The following VSNL1 variants were observed in gnomAD, a reference collection of about 807,000 sequenced individuals.
VSNL1 encodes visinin-like protein 1.
VSNL1 carries 6 observed loss-of-function variants against 20.4 expected under a neutral mutation model. The ratio of observed to expected loss-of-function variants is 0.29; its 90% CI spans 0.16 to 0.58. VSNL1 has a LOEUF of 0.58. Among genes scored for constraint, VSNL1 ranks in the 20% least tolerant of loss-of-function variants. The probability of loss-of-function intolerance (pLI) is 0.90; values close to 1 mark genes in which losing one functional copy is unlikely to be tolerated. For missense variants in VSNL1, 100 were observed against 234.5 expected (o/e 0.43, Z 3.75); for synonymous variants, 93 against 86.4 (o/e 1.08, Z -0.42).
intron 2 of VSNL1, among the ~76,000 whole-genome samples, chr2:17,602,044 T>C (rs1228092480): frequency 2.0e-5 from 3 of 152,226 alleles, no homozygotes; most frequent in African/African-American, 2.4e-5. Flanking sequence ...CTGTTTTACG[T>C]TAGTGGACTC....
chr2:17,548,292 T>C lies in VSNL1; in HGVS notation c.-6+7374T>C, dbSNP rs967299674. 3.3e-5 allele frequency among the ~76,000 whole-genome samples: 5 copies of C among 151,958 alleles called. No individual in the cohort carries two copies. The South Asian group carries it at 8.3e-4, about 25-fold the overall frequency. On this transcript the variant is annotated intron_variant, in intron 1 of 3. Coordinates refer to ENST00000295156, the MANE Select transcript of VSNL1 (RefSeq NM_003385.5). ...AGCATTTTCAATTTCCTTCAGGTTT[T>C]CCCCCCTTCTTCCTCTATTTCCTGC...
intron 1 of VSNL1, among the ~76,000 whole-genome samples, chr2:17,582,205 C>G (rs1036573553): frequency 6.6e-6 from 1 of 151,854 alleles, no homozygotes; most frequent in African/African-American, 2.4e-5. Context: ...AGAGAGGAAA[C>G]TAAAGAGGTG....
intron 2 of VSNL1, among the ~76,000 whole-genome samples, chr2:17,648,841 G>A (rs1380491548): frequency 1.3e-5 from 2 of 152,158 alleles, no homozygotes; most frequent in African/African-American, 4.8e-5. Flanking sequence ...TATTTTTAAT[G>A]AGTTTTAAAT....
intron 1 of VSNL1, among the ~76,000 whole-genome samples, chr2:17,547,975 T>A (rs1353352029): frequency 1.3e-5 from 2 of 152,076 alleles, no homozygotes; most frequent in Non-Finnish European, 2.9e-5. Flanking sequence ...CTGTGATACT[T>A]CTATCTTTTA....
At chr2:17,628,233 T>C (rs1665554501) in intron 2 of VSNL1, among the ~76,000 whole-genome samples, 1 of 152,260 alleles carries the variant, frequency 6.6e-6, no homozygotes, top group African/African-American at 2.4e-5. Context: ...TGGCTCTTTC[T>C]GGATTCACCT....
In VSNL1 at chr2:17,634,874, G is replaced by A. The variant is rs538074125; in HGVS notation, c.163-14536G>A. Among the ~76,000 whole-genome samples, 32 of 152,232 alleles carry A rather than the reference G, an allele frequency of 2.1e-4. No homozygotes were observed. Among genetic ancestry groups the A allele is most frequent in the African/African-American group, 7.7e-4 (32 of 41,546 alleles). On this transcript the variant is annotated intron_variant, in intron 2 of 3. Coordinates refer to ENST00000295156, the MANE Select transcript of VSNL1 (RefSeq NM_003385.5). The surrounding 1 kb of genome is among the most constrained non-coding windows in gnomAD (Gnocchi z 4.3). ...CTTGTCCCATGGGTCCCGCTGCAGG[G>A]AGTTACTGCTCCTGCTTGGTTCTGA...
At chr2:17,579,998 G>C (rs890486388) in intron 1 of VSNL1, among the ~76,000 whole-genome samples, 7 of 152,188 alleles carry the variant, frequency 4.6e-5, no homozygotes, top group African/African-American at 1.7e-4. Context: ...CTGGGAGTCA[G>C]AGTCCCTGAC....
intron 3 of VSNL1, among the ~76,000 whole-genome samples, chr2:17,651,175 A>C (rs1666113947): frequency 6.6e-6 from 1 of 152,128 alleles, no homozygotes; most frequent in Non-Finnish European, 1.5e-5. Flanking sequence ...TTCCTCTCCA[A>C]AACTTTTCTC....
chr2:17,617,418 C>A (rs1167716846), intron 2 of VSNL1, among the ~76,000 whole-genome samples: 2 of 152,012 alleles, frequency 1.3e-5, no homozygotes, highest in Non-Finnish European at 2.9e-5. Context: ...ATCCCTTGAA[C>A]CTGGGAAGCA....
chr2:17,616,155 C>T (rs1338039902), intron 2 of VSNL1, among the ~76,000 whole-genome samples: 4 of 152,242 alleles, frequency 2.6e-5, no homozygotes, highest in Non-Finnish European at 2.9e-5. Flanking sequence ...GGGTGGCTCA[C>T]AGTCCCCAGA....
chr2:17,605,464 A>T (rs562829900), intron 2 of VSNL1, among the ~76,000 whole-genome samples: 2 of 152,352 alleles, frequency 1.3e-5, no homozygotes, highest in East Asian at 3.9e-4. Context: ...GAATCCTCCC[A>T]GCGACTCGGC....
At chr2:17,545,338 T>A (rs1374864643) in intron 1 of VSNL1, among the ~76,000 whole-genome samples, 1 of 152,156 alleles carries the variant, frequency 6.6e-6, no homozygotes, top group Admixed American at 6.5e-5. Flanking sequence ...ATGATTTATT[T>A]TTTGTAAAGA....
intron 1 of VSNL1, among the ~76,000 whole-genome samples, chr2:17,590,081 G>A (rs575063508): frequency 1.8e-4 from 28 of 152,302 alleles, no homozygotes; most frequent in Admixed American, 5.2e-4. Flanking sequence ...TACCATAAGC[G>A]TTCTGAGCCC....
intron 2 of VSNL1, among the ~76,000 whole-genome samples, chr2:17,607,634 G>A (rs1664976916): frequency 6.6e-6 from 1 of 152,186 alleles, no homozygotes; most frequent in South Asian, 2.1e-4. Flanking sequence ...TATAGCACAG[G>A]TCCCTTGACA....
chr2:17,628,182 G>A lies in VSNL1; in HGVS notation c.163-21228G>A, dbSNP rs576754690. ...GGAGATTGTAGCCAGCAGGAGCAAA[G>A]GCATAATAGAGTGTGAGTTATTGAG... On this transcript the variant is annotated intron_variant, in intron 2 of 3. Transcript: ENST00000295156. Among the ~76,000 whole-genome samples the A allele has an allele frequency of 4.6e-5, 7 of 152,326 alleles. No homozygotes were observed. In the East Asian group the frequency reaches 1.4e-3, roughly 29 times the overall value.
intron 2 of VSNL1, among the ~76,000 whole-genome samples, chr2:17,619,306 G>C (rs1229656748): frequency 6.6e-6 from 1 of 152,162 alleles, no homozygotes; most frequent in African/African-American, 2.4e-5. Flanking sequence ...GTGGAGGCCT[G>C]GGTATAGGTA....
intron 3 of VSNL1, among the ~76,000 whole-genome samples, chr2:17,654,081 G>A (rs548945700): frequency 7.2e-5 from 11 of 152,050 alleles, no homozygotes; most frequent in East Asian, 3.8e-4. Context: ...TTTTTTTACC[G>A]TATAGCTGTA....
intron 1 of VSNL1, among the ~76,000 whole-genome samples, chr2:17,580,523 G>A (rs920621087): frequency 1.3e-5 from 2 of 152,190 alleles, no homozygotes; most frequent in African/African-American, 4.8e-5. Flanking sequence ...TAAAGCATCA[G>A]AGCTAGGTTT....
intron 1 of VSNL1, among the ~76,000 whole-genome samples, chr2:17,542,416 G>C (rs950366575): frequency 6.6e-6 from 1 of 152,132 alleles, no homozygotes; most frequent in African/African-American, 2.4e-5. Context: ...TCCAATTTTG[G>C]GGATGAAATG....
Sources: allele counts gnomAD v4.1 joint callset (sites outside exome capture counted in the v4.1 genomes callset), GRCh38; gene constraint gnomAD v4.1.1; non-coding constraint Gnocchi (gnomAD v3.1); transcripts MANE v1.5; gene names NCBI Gene and HGNC (gene_info 2026-07-23, HGNC 2026-07-21).